The following TRPM6 variants were observed in gnomAD, a reference collection of about 807,000 sequenced individuals.
TRPM6 encodes the protein transient receptor potential cation channel subfamily M member 6.
Under a neutral mutation model 247.6 loss-of-function variants are expected in TRPM6, and 111 were observed. The observed-to-expected ratio is 0.45, with a 90% CI of 0.38 to 0.52. The LOEUF is 0.52. Ranked by LOEUF, TRPM6 falls within the 20% of genes least tolerant of loss-of-function variation. The pLI, the probability that TRPM6 is intolerant of heterozygous loss-of-function variation, is 0.00. For synonymous variants in TRPM6, 892 were observed against 853.8 expected (o/e 1.04, Z -0.78); for missense variants, 2,126 against 2,421.5 (o/e 0.88, Z 2.56).
chr9:74,837,747 CCTTT>C lies in TRPM6; in HGVS notation c.544+2273_544+2276del, dbSNP rs1829777409. ...AGGTGTGAGCCACCACGCCCGGCCCCCTTTTTTTTTTTTTTTTTTTTAAGACAGG... is the reference window on the plus strand; with the variant it reads ...AGGTGTGAGCCACCACGCCCGGCCCCTTTTTTTTTTTTTTTTTAAGACAGG... On this transcript the variant is annotated intron_variant, in intron 5 of 38. Transcript: ENST00000360774. Among the ~76,000 whole-genome samples the C allele has an allele frequency of 1.1e-4, 8 of 72,500 alleles. No homozygotes were observed. In the South Asian group the frequency reaches 4.8e-3, roughly 43 times the overall value. 47.6% of individuals were successfully genotyped at this position (72,500 alleles called of 152,430 possible).
chr9:74,841,505 CTTTT>C, intron 4 of TRPM6, among the ~76,000 whole-genome samples: 1 of 148,896 alleles, frequency 6.7e-6, no homozygotes, highest in South Asian at 2.1e-4. Context: ...CTTTGAACTT[CTTTT>C]TTTTTTTCTT....
intron 17 of TRPM6, among the ~76,000 whole-genome samples, chr9:74,799,547 CAT>C (rs1483466224): frequency 1.7e-5 from 2 of 116,944 alleles, no homozygotes; most frequent in Non-Finnish European, 3.4e-5. Context: ...AACACACACA[CAT>C]ACACACACAC....
intron 27 of TRPM6, among the ~76,000 whole-genome samples, chr9:74,756,362 T>C (rs556019285): frequency 6.6e-6 from 1 of 152,318 alleles, no homozygotes; most frequent in Non-Finnish European, 1.5e-5. Flanking sequence ...AGTGTAAACA[T>C]TTTTTAAATA....
At chr9:74,755,881 T>C (rs965399275) in intron 27 of TRPM6, among the ~76,000 whole-genome samples, 11 of 152,136 alleles carry the variant, frequency 7.2e-5, no homozygotes, top group African/African-American at 2.4e-4. Flanking sequence ...TTTGAGAAAA[T>C]ATTAGAATCC....
intron 14 of TRPM6, among the ~76,000 whole-genome samples, chr9:74,805,571 G>T (rs561880680): frequency 6.6e-6 from 1 of 152,208 alleles, no homozygotes; most frequent in African/African-American, 2.4e-5. Context: ...TGACAAATAC[G>T]TGCTATCTGT....
At chr9:74,872,600 T>TGTG (rs145837742) in intron 1 of TRPM6, among the ~76,000 whole-genome samples, 1 of 150,090 alleles carries the variant, frequency 6.7e-6, no homozygotes, top group Non-Finnish European at 1.5e-5. Context: ...CCAGCAAATT[T>TGTG]TGTGTGTGTG....
chr9:74,834,327 C>T (rs1262850647), intron 5 of TRPM6, among the ~76,000 whole-genome samples: 1 of 152,152 alleles, frequency 6.6e-6, no homozygotes, highest in African/African-American at 2.4e-5. Flanking sequence ...CCTCTCTCTA[C>T]CTGAACAATG....
intron 28 of TRPM6, among the ~76,000 whole-genome samples, chr9:74,753,473 A>T (rs1310558516): frequency 6.6e-6 from 1 of 152,192 alleles, no homozygotes; most frequent in African/African-American, 2.4e-5. Flanking sequence ...AGACAGGAGC[A>T]TCACTTGAGG....
chr9:74,764,001 T>C (rs1826742476), intron 25 of TRPM6, among the ~76,000 whole-genome samples: 1 of 151,850 alleles, frequency 6.6e-6, no homozygotes, highest in Non-Finnish European at 1.5e-5. Flanking sequence ...AATACAAAAA[T>C]TAGCTGGGCA....
intron 1 of TRPM6, among the ~76,000 whole-genome samples, chr9:74,887,020 G>A (rs972215292): frequency 1.3e-5 from 2 of 152,324 alleles, no homozygotes; most frequent in Admixed American, 1.3e-4. Context: ...AAATAGGCGA[G>A]ACCAAGAAAT....
At chr9:74,775,565 G>A (rs1040411547) in intron 24 of TRPM6, among the ~76,000 whole-genome samples, 1 of 152,102 alleles carries the variant, frequency 6.6e-6, no homozygotes, top group African/African-American at 2.4e-5. Flanking sequence ...CCACTCTCTA[G>A]GAGTTATTCT....
intron 31 of TRPM6, among the ~76,000 whole-genome samples, chr9:74,745,175 C>T (rs1383604468): frequency 6.6e-6 from 1 of 152,154 alleles, no homozygotes; most frequent in African/African-American, 2.4e-5. Context: ...ACATTAATTC[C>T]ACCTGGAAGG....
At chr9:74,858,588 A>G in intron 2 of TRPM6, 81 bp downstream of exon 2, 1 of 866,588 alleles carries the variant, frequency 1.2e-6, no homozygotes, top group Non-Finnish European at 1.8e-6. Context: ...AAACTTCTAA[A>G]CAAGTCATAT....
Position 74,840,055 on chromosome 9 carries a change from T to C in TRPM6, c.513A>G (p.Gly171=), listed in dbSNP as rs747255156. 2 of 1,613,994 alleles carry C rather than the reference T, an allele frequency of 1.2e-6. No individual in the cohort carries two copies. Among genetic ancestry groups the C allele is most frequent in the South Asian group, 2.2e-5 (2 of 91,084 alleles). ...TGATGCCTTCAGTTATTATCCACGC[T>C]CCTGTTGTCTCTGCAGCTTTAACCA... ...QGLVKAAETT[G]AWIITEGINT... is the part of the protein sequence containing the mutation. The change falls in exon 5 of 39, where the codon GGA becomes GGG. Residue 171 remains glycine (G), a synonymous_variant. Coordinates refer to ENST00000360774, the MANE Select transcript of TRPM6 (RefSeq NM_017662.5).
intron 18 of TRPM6, among the ~76,000 whole-genome samples, chr9:74,795,769 A>G (rs772238622): frequency 2.6e-5 from 4 of 152,224 alleles, no homozygotes; most frequent in Non-Finnish European, 4.4e-5. Context: ...TATCAGCTAA[A>G]AAGATCTAAA....
chr9:74,729,185 G>C (rs1281464741), intron 37 of TRPM6, among the ~76,000 whole-genome samples: 1 of 152,154 alleles, frequency 6.6e-6, no homozygotes, highest in Admixed American at 6.5e-5. Flanking sequence ...TTATTTTAAT[G>C]ACATGCAGAG....
At position 74,842,661 on chromosome 9, in the gene TRPM6, T is replaced by G. The variant is rs12686165; in HGVS notation, c.153-318A>C. Among the ~76,000 whole-genome samples, 910 of 152,296 alleles carry G rather than the reference T, an allele frequency of 6.0e-3. 64 individuals carry two copies. In the East Asian group the frequency reaches 0.13, roughly 22 times the overall value. ...GCAATAAAGCTAGTCACACAAATAG[T>G]TTGGTTTCCTAATGCATATAGTAGT... On this transcript the variant is annotated intron_variant, in intron 3 of 38. Transcript: ENST00000360774.
At chr9:74,851,106 T>C (rs965723670) in intron 3 of TRPM6, among the ~76,000 whole-genome samples, 1 of 78,514 alleles carries the variant, frequency 1.3e-5, no homozygotes, top group Non-Finnish European at 3.4e-5. Context: ...ATTTTATTCT[T>C]TTTTTTTCTA....
intron 3 of TRPM6, among the ~76,000 whole-genome samples, chr9:74,849,194 A>G (rs1587576185): frequency 6.6e-6 from 1 of 152,228 alleles, no homozygotes; most frequent in East Asian, 1.9e-4. Context: ...TACTAAAAAT[A>G]CAAAAAATTA....
Sources: allele counts gnomAD v4.1 joint callset (sites outside exome capture counted in the v4.1 genomes callset), GRCh38; gene constraint gnomAD v4.1.1; transcripts MANE v1.5; gene names NCBI Gene and HGNC (gene_info 2026-07-23, HGNC 2026-07-21).